Variants in OCA2 observed in about 807,000 individuals in gnomAD.
The protein encoded by OCA2 is OCA2 melanosomal transmembrane protein.
A neutral mutation model predicts 100.2 loss-of-function variants in OCA2; 77 were observed. The observed-to-expected ratio is 0.77, with a 90% CI of 0.64 to 0.93. The LOEUF is 0.93. Ranked by LOEUF, OCA2 falls within the 40% of genes least tolerant of loss-of-function variation. OCA2 has a pLI of 0.00. For missense variants in OCA2, 1,062 were observed against 1,089.1 expected (o/e 0.98, Z 0.35); for synonymous variants, 432 against 439.2 (o/e 0.98, Z 0.21).
chr15:27,858,353 AAT>A (rs764233276), intron 21 of OCA2, among the ~76,000 whole-genome samples: 45 of 151,780 alleles, frequency 3.0e-4, no homozygotes, highest in Non-Finnish European at 5.6e-4. Flanking sequence ...CAGCCTGGGG[AAT>A]AGAGTGAAAC....
Position 28,014,843 on chromosome 15 carries a change from C to T in OCA2, c.977G>A (p.Ser326Asn). Residue 326 changes from serine (S) to asparagine (N), a missense_variant, in exon 9 of 24, where the codon AGT becomes AAT. Physicochemically the swap from Ser to Asn is conservative, Grantham distance 46. Transcript: ENST00000354638. ...LLMAHQYLRG[S>N]VETQVTIATA... is the part of the protein sequence containing the mutation. ...CGCGATGGTCACCTGGGTTTCTACACTTCCGCGGAGGTACTGATGAGCCAT... is the reference window on the plus strand; with the variant it reads ...CGCGATGGTCACCTGGGTTTCTACATTTCCGCGGAGGTACTGATGAGCCAT... The T allele has an allele frequency of 6.2e-7, 1 of 1,614,144 alleles. No individual in the cohort carries two copies. The highest frequency in any genetic ancestry group is 8.5e-7 in the Non-Finnish European group (1 of 1,180,028).
intron 15 of OCA2, among the ~76,000 whole-genome samples, chr15:27,961,718 T>C (rs890787352): frequency 3.9e-5 from 6 of 152,064 alleles, no homozygotes; most frequent in African/African-American, 1.4e-4. Flanking sequence ...AAACACTGAA[T>C]GTTCTCACTC....
intron 23 of OCA2, among the ~76,000 whole-genome samples, chr15:27,835,875 C>T (rs937312491): frequency 6.6e-6 from 1 of 152,218 alleles, no homozygotes; most frequent in African/African-American, 2.4e-5. Flanking sequence ...GGTTGTGGGG[C>T]ATTGCTTCCT....
At chr15:27,835,568 G>A (rs574522080) in intron 23 of OCA2, among the ~76,000 whole-genome samples, 5 of 152,228 alleles carry the variant, frequency 3.3e-5, no homozygotes, top group African/African-American at 4.8e-5. Flanking sequence ...GCGTGAAATC[G>A]TCACTGTTGC....
At chr15:27,914,279 C>T (rs912122857) in intron 19 of OCA2, among the ~76,000 whole-genome samples, 1 of 152,060 alleles carries the variant, frequency 6.6e-6, no homozygotes, top group South Asian at 2.1e-4. Flanking sequence ...AAAGCTGGAA[C>T]CATTCCCTTT....
the OCA2 span, among the ~76,000 whole-genome samples, chr15:27,720,392 T>C: frequency 6.7e-6 from 1 of 149,740 alleles, no homozygotes; most frequent in African/African-American, 2.4e-5. Flanking sequence ...TATATGTTTA[T>C]ATATTATGTT....
chr15:27,943,210 G>C (rs1007075098), intron 18 of OCA2, among the ~76,000 whole-genome samples: 1 of 152,142 alleles, frequency 6.6e-6, no homozygotes, highest in African/African-American at 2.4e-5. Flanking sequence ...CTAGTTCAGG[G>C]CATGAAGGGG....
intron 2 of OCA2, 22 bp downstream of exon 2, chr15:28,081,626 G>C (rs1159225366): frequency 6.2e-7 from 1 of 1,601,380 alleles, no homozygotes; most frequent in Non-Finnish European, 8.5e-7. Context: ...ACATTTACAA[G>C]ATGGCACTAT....
intron 22 of OCA2, among the ~76,000 whole-genome samples, chr15:27,847,620 G>C (rs2035586566): frequency 6.6e-6 from 1 of 152,200 alleles, no homozygotes; most frequent in South Asian, 2.1e-4. Context: ...TGGAGGTTAT[G>C]GGTCAGCCCT....
At chr15:27,926,425 A>G (rs1381967788) in intron 18 of OCA2, among the ~76,000 whole-genome samples, 171 bp from the exon 19 acceptor site, 6 of 151,202 alleles carry the variant, frequency 4.0e-5, no homozygotes, top group Non-Finnish European at 1.5e-5. Flanking sequence ...TCATGAAACC[A>G]ACACTGTAAT....
chr15:27,880,757 G>A (rs114770625), intron 19 of OCA2, among the ~76,000 whole-genome samples: 2,375 of 152,260 alleles, frequency 0.016, 55 homozygotes, highest in African/African-American at 0.05. Flanking sequence ...GGAGCTTTTG[G>A]ACTGAGAGGA....
At chr15:27,761,900 C>T (rs558569388) in intron 23 of OCA2, among the ~76,000 whole-genome samples, 23 of 152,302 alleles carry the variant, frequency 1.5e-4, no homozygotes, top group African/African-American at 5.5e-4. Context: ...TCACAGCTCC[C>T]TACAGCCTTG....
At chr15:28,003,529 A>G (rs530316203) in intron 9 of OCA2, among the ~76,000 whole-genome samples, 5 of 150,862 alleles carry the variant, frequency 3.3e-5, no homozygotes, top group South Asian at 2.1e-4. Context: ...GGGGAGTAAA[A>G]TGTGGAAAAA....
chr15:28,042,332 A>G (rs1380655297), intron 2 of OCA2, among the ~76,000 whole-genome samples: 1 of 152,170 alleles, frequency 6.6e-6, no homozygotes, highest in Non-Finnish European at 1.5e-5. Flanking sequence ...CTCTTATTTT[A>G]AAAATGCCTT....
At chr15:27,911,202 G>C (rs975911082) in intron 19 of OCA2, among the ~76,000 whole-genome samples, 1 of 151,900 alleles carries the variant, frequency 6.6e-6, no homozygotes, top group African/African-American at 2.4e-5. Context: ...CTTGAGGCTG[G>C]GTAATTTAAA....
intron 2 of OCA2, among the ~76,000 whole-genome samples, chr15:28,052,461 G>A (rs1313281704): frequency 2.0e-5 from 3 of 152,152 alleles, no homozygotes; most frequent in African/African-American, 7.2e-5. Flanking sequence ...TCCAAACTTG[G>A]AATCATGCAG....
intron 23 of OCA2, among the ~76,000 whole-genome samples, chr15:27,832,768 A>G (rs1595484857): frequency 6.6e-6 from 1 of 152,188 alleles, no homozygotes; most frequent in Non-Finnish European, 1.5e-5. Flanking sequence ...ATGGATGACT[A>G]TAAAAGAACA....
chr15:27,758,021 C>G, intron 23 of OCA2, among the ~76,000 whole-genome samples: 1 of 152,186 alleles, frequency 6.6e-6, no homozygotes, highest in East Asian at 1.9e-4. Flanking sequence ...GAAGTGGATG[C>G]GTTTCTTCCA....
chr15:27,871,244 C>T lies in OCA2; in HGVS notation c.2154G>A (p.Glu718=), dbSNP rs752419245. 2.1e-5 allele frequency: 34 copies of T among 1,614,030 alleles called. No individual in the cohort carries two copies. Among genetic ancestry groups the T allele is most frequent in the Non-Finnish European group, 2.7e-5 (32 of 1,179,884 alleles). Residue 718 remains glutamate (E), a synonymous_variant, in exon 21 of 24, where the codon GAG becomes GAA. Transcript: ENST00000354638. ...GGACAATGGCGGCTATGAGGCGCTGCTCCTCTGGGACCATCTGGAAGGAGG... is the reference window on the plus strand; with the variant it reads ...GGACAATGGCGGCTATGAGGCGCTGTTCCTCTGGGACCATCTGGAAGGAGG... ...TALLIKMVPE[E]QRLIAAIVLV...
Sources: allele counts gnomAD v4.1 joint callset (sites outside exome capture counted in the v4.1 genomes callset), GRCh38; gene constraint gnomAD v4.1.1; transcripts MANE v1.5; gene names NCBI Gene and HGNC (gene_info 2026-07-23, HGNC 2026-07-21).